Variants in DNAH14 observed in about 807,000 individuals in gnomAD.
DNAH14 encodes the protein axonemal beta dynein heavy chain 14.
A neutral mutation model predicts 520.9 loss-of-function variants in DNAH14; 478 were observed. The ratio of observed to expected loss-of-function variants is 0.92; its 90% CI spans 0.85 to 0.99. The LOEUF (loss-of-function observed/expected upper bound fraction) is 0.99. DNAH14 is among the 50% of genes least tolerant of loss of function. The pLI, the probability that DNAH14 is intolerant of heterozygous loss-of-function variation, is 0.00. For missense variants in DNAH14, 4,831 were observed against 5,234.5 expected (o/e 0.92, Z 2.38); for synonymous variants, 1,581 against 1,757.2 (o/e 0.90, Z 2.51).
rs761094789 is a variant in DNAH14 at position 225,043,777 on chromosome 1, AC to A, written c.1803del (p.Tyr601Ter). The part of the protein sequence containing the change: ...TEIETEFENK[Y>X]MYYEFPEFPT... ...ATTGAGACTGAGTTTGAGAATAAATACATGTATTATGAGTAAGTATTAGACA... is the reference window on the plus strand; with the variant it reads ...ATTGAGACTGAGTTTGAGAATAAATAATGTATTATGAGTAAGTATTAGACA... On this transcript the variant is annotated frameshift_variant, in exon 14 of 86. Coordinates refer to ENST00000682510, the MANE Select transcript of DNAH14 (RefSeq NM_001367479.1). LOFTEE classifies it high-confidence loss of function. 1 of 1,468,588 alleles carries A rather than the reference AC, an allele frequency of 6.8e-7. No homozygotes were observed. Among genetic ancestry groups the A allele is most frequent in the Non-Finnish European group, 9.3e-7 (1 of 1,075,222 alleles). The allele number at this position is 1,468,588 out of a possible 1,614,324, so 91.0% of individuals were successfully genotyped here.
chr1:225,308,902 G>A (rs2094302549), intron 60 of DNAH14, among the ~76,000 whole-genome samples: 1 of 152,216 alleles, frequency 6.6e-6, no homozygotes, highest in Admixed American at 6.5e-5. Flanking sequence ...CTGATCAGTA[G>A]CTATTCCTGC....
intron 21 of DNAH14, among the ~76,000 whole-genome samples, 185 bp from the exon 22 acceptor site, chr1:225,096,933 G>A (rs1000927558): frequency 1.3e-5 from 2 of 152,058 alleles, no homozygotes; most frequent in African/African-American, 4.8e-5. Flanking sequence ...TGGATGAACA[G>A]GACATCTTAA....
chr1:225,391,471 T>A (rs1575166240), intron 83 of DNAH14, among the ~76,000 whole-genome samples: 1 of 152,124 alleles, frequency 6.6e-6, no homozygotes, highest in East Asian at 1.9e-4. Context: ...GACCCTGTCT[T>A]ATCAATAAAT....
At chr1:224,970,562 C>T (rs1486020709) in intron 7 of DNAH14, among the ~76,000 whole-genome samples, 1 of 152,152 alleles carries the variant, frequency 6.6e-6, no homozygotes, top group Non-Finnish European at 1.5e-5. Context: ...AACCTGCCGA[C>T]ATGTGATGTC....
At chr1:224,971,097 T>A (rs970138405) in intron 7 of DNAH14, among the ~76,000 whole-genome samples, 1 of 152,182 alleles carries the variant, frequency 6.6e-6, no homozygotes, top group African/African-American at 2.4e-5. Context: ...TGATTAAAAA[T>A]TTATCTAGTT....
At position 225,381,452 on chromosome 1, in the gene DNAH14, T is replaced by G; in HGVS notation, c.12950T>G (p.Leu4317Ter). 1 of 1,551,078 alleles carries G rather than the reference T, an allele frequency of 6.4e-7. No homozygotes were observed. The highest frequency in any genetic ancestry group is 1.2e-5 in the South Asian group (1 of 83,774). ...CAAGAAATTAAACGATTTGATAAGTTATTATTTGTCATACATAAATCCTTA... is the reference window on the plus strand; with the variant it reads ...CAAGAAATTAAACGATTTGATAAGTGATTATTTGTCATACATAAATCCTTA... ...LKQEIKRFDK[L>*]LFVIHKSLKD... Residue 4317 changes from leucine to a stop codon, truncating the protein, a stop_gained, in exon 81 of 86, where the codon TTA becomes TGA. Coordinates refer to ENST00000682510, the MANE Select transcript of DNAH14 (RefSeq NM_001367479.1). LOFTEE classifies it high-confidence loss of function.
At chr1:225,314,843 G>A (rs1429174010) in intron 60 of DNAH14, among the ~76,000 whole-genome samples, 1 of 152,162 alleles carries the variant, frequency 6.6e-6, no homozygotes, top group South Asian at 2.1e-4. Flanking sequence ...TGGGTAACCC[G>A]ACCTTTCTCT....
chr1:225,319,945 C>G (rs1056962576), intron 61 of DNAH14, among the ~76,000 whole-genome samples: 17 of 152,114 alleles, frequency 1.1e-4, no homozygotes, highest in African/African-American at 3.9e-4. Flanking sequence ...GTTCAGTGAG[C>G]AAGAGGGAAT....
intron 10 of DNAH14, among the ~76,000 whole-genome samples, chr1:225,009,018 A>G (rs945460574): frequency 1.3e-5 from 2 of 151,342 alleles, no homozygotes; most frequent in Non-Finnish European, 2.9e-5. Flanking sequence ...GCCCTTTGTC[A>G]GATGGATAGA....
At chr1:225,155,683 C>T (rs190862854) in intron 34 of DNAH14, among the ~76,000 whole-genome samples, 28 of 152,236 alleles carry the variant, frequency 1.8e-4, no homozygotes, top group Non-Finnish European at 3.8e-4. Flanking sequence ...CTAAAGTTTG[C>T]ATGGGCACCC....
chr1:225,036,774 T>C (rs1228031930), intron 11 of DNAH14, among the ~76,000 whole-genome samples: 1 of 152,168 alleles, frequency 6.6e-6, no homozygotes, highest in Non-Finnish European at 1.5e-5. Flanking sequence ...CTGCTTGTAA[T>C]TAGAAGAGAA....
intron 8 of DNAH14, among the ~76,000 whole-genome samples, chr1:224,990,701 T>C (rs2062977342): frequency 6.6e-6 from 1 of 152,224 alleles, no homozygotes; most frequent in African/African-American, 2.4e-5. Context: ...CATCTGTTAA[T>C]GGGCACTTGG....
intron 1 of DNAH14, among the ~76,000 whole-genome samples, chr1:224,950,723 T>C (rs1320459684): frequency 6.6e-6 from 1 of 152,252 alleles, no homozygotes; most frequent in African/African-American, 2.4e-5. Context: ...CTGCCACCTG[T>C]TTTTGTATGT....
At chr1:225,323,225 G>C (rs372686214) in intron 62 of DNAH14, among the ~76,000 whole-genome samples, 1 of 152,128 alleles carries the variant, frequency 6.6e-6, no homozygotes, top group African/African-American at 2.4e-5. Context: ...CCAATATGCC[G>C]CCTGGGGGAC....
At chr1:224,961,768 A>G (rs1409404249) in intron 4 of DNAH14, among the ~76,000 whole-genome samples, 1 of 152,180 alleles carries the variant, frequency 6.6e-6, no homozygotes, top group Non-Finnish European at 1.5e-5. Context: ...CAGGAAACTG[A>G]CACAGTGGCT....
At chr1:225,009,793 T>G (rs1240917588) in intron 10 of DNAH14, among the ~76,000 whole-genome samples, 3 of 152,222 alleles carry the variant, frequency 2.0e-5, no homozygotes, top group Non-Finnish European at 4.4e-5. Flanking sequence ...AACAGTTGTT[T>G]GTAGTTCTCC....
intron 35 of DNAH14, among the ~76,000 whole-genome samples, chr1:225,163,826 G>C (rs1312043439): frequency 6.6e-6 from 1 of 152,002 alleles, no homozygotes; most frequent in African/African-American, 2.4e-5. Flanking sequence ...TTTTTTTGAT[G>C]TGTCTTTGTC....
intron 2 of DNAH14, among the ~76,000 whole-genome samples, chr1:224,953,825 G>T (rs1009473751): frequency 6.6e-6 from 1 of 152,044 alleles, no homozygotes; most frequent in Non-Finnish European, 1.5e-5. Flanking sequence ...TAAAAGACTT[G>T]TAAAAGGTAA....
chr1:225,325,545 G>A (rs1361670120), intron 64 of DNAH14, among the ~76,000 whole-genome samples: 1 of 150,674 alleles, frequency 6.6e-6, no homozygotes, highest in African/African-American at 2.4e-5. Context: ...CTGTTGATTT[G>A]TAAAGGCATG....
Sources: allele counts gnomAD v4.1 joint callset (sites outside exome capture counted in the v4.1 genomes callset), GRCh38; gene constraint gnomAD v4.1.1; transcripts MANE v1.5; gene names NCBI Gene and HGNC (gene_info 2026-07-23, HGNC 2026-07-21).